STRN: variants seen among roughly 807,000 people sequenced by gnomAD.
STRN encodes protein phosphatase 2 regulatory subunit B'''alpha.
Under a neutral mutation model 96.3 loss-of-function variants are expected in STRN, and 53 were observed. That is an observed-to-expected ratio of 0.55 (90% CI 0.44 to 0.69). The LOEUF is 0.69. Among genes scored for constraint, STRN ranks in the 30% least tolerant of loss-of-function variants. The pLI is 0.00. For missense variants in STRN, 987 were observed against 963.9 expected, an observed-to-expected ratio of 1.02 and a Z score of -0.32; for synonymous variants, 428 against 355.9, an observed-to-expected ratio of 1.20 and a Z score of -2.28.
intron 10 of STRN, among the ~76,000 whole-genome samples, chr2:36,877,623 C>T (rs1019483320): frequency 2.6e-5 from 4 of 152,144 alleles, no homozygotes; most frequent in African/African-American, 9.7e-5. Context: ...GCAACCTCTG[C>T]CTTCCGGGCT....
At chr2:36,862,620 T>G (rs944818447) in intron 12 of STRN, among the ~76,000 whole-genome samples, 8 of 152,104 alleles carry the variant, frequency 5.3e-5, no homozygotes, top group African/African-American at 1.9e-4. Context: ...AATTTTTGAT[T>G]TGCATTTCTG....
At chr2:36,876,141 G>C (rs866511943) in intron 10 of STRN, among the ~76,000 whole-genome samples, 1 of 151,904 alleles carries the variant, frequency 6.6e-6, no homozygotes, top group Non-Finnish European at 1.5e-5. Context: ...GTGATGGTGC[G>C]TGCCTATGGT....
rs186837803 is a variant in STRN at position 36,871,616 on chromosome 2, T to C, written c.1324-1887A>G. Among the ~76,000 whole-genome samples, 198 of 152,292 alleles carry C rather than the reference T, an allele frequency of 1.3e-3. 1 individual carries two copies. Among genetic ancestry groups the C allele is most frequent in the African/African-American group, 4.4e-3 (184 of 41,568 alleles). ...ACTACTTATTTACAAAAGACAAAAA[T>C]ACACCAATTCTAACAACAGCTGTTA... On this transcript the variant is annotated intron_variant, in intron 10 of 17. Coordinates refer to ENST00000263918, the MANE Select transcript of STRN (RefSeq NM_003162.4).
chr2:36,909,681 A>G (rs1669915174), intron 3 of STRN, among the ~76,000 whole-genome samples: 1 of 152,162 alleles, frequency 6.6e-6, no homozygotes, highest in South Asian at 2.1e-4. Context: ...GATCCAAGGA[A>G]CTCAATAAAT....
intron 7 of STRN, among the ~76,000 whole-genome samples, chr2:36,890,567 T>G (rs1228352222): frequency 7.2e-6 from 1 of 138,338 alleles, no homozygotes; most frequent in East Asian, 2.3e-4. Flanking sequence ...CACTGCAACC[T>G]CTGCCTCCCA....
chr2:36,888,131 G>C (rs903924994), intron 7 of STRN, among the ~76,000 whole-genome samples: 37 of 152,072 alleles, frequency 2.4e-4, no homozygotes, highest in Admixed American at 2.4e-3. Context: ...AAATATATCA[G>C]GGAAAACTAT....
chr2:36,914,964 A>AG (rs932633103), intron 3 of STRN, among the ~76,000 whole-genome samples: 11 of 151,752 alleles, frequency 7.2e-5, no homozygotes, highest in South Asian at 2.1e-4. Flanking sequence ...TGGGAGGCCG[A>AG]GGGGGGGCGG....
intron 3 of STRN, among the ~76,000 whole-genome samples, chr2:36,908,867 A>G (rs1432355414): frequency 6.6e-6 from 1 of 152,010 alleles, no homozygotes; most frequent in African/African-American, 2.4e-5. Context: ...TGTAATCCCA[A>G]CTACTCAGGA....
intron 6 of STRN, 138 bp from the exon 7 acceptor site, chr2:36,894,171 A>T: frequency 1.0e-6 from 1 of 969,590 alleles, no homozygotes. Context: ...TGAAAATCAC[A>T]TAGTTTTAAA....
intron 6 of STRN, 152 bp downstream of exon 6, chr2:36,899,371 A>G (rs1167312685): frequency 3.1e-6 from 2 of 649,290 alleles, no homozygotes; most frequent in African/African-American, 3.8e-5. Flanking sequence ...CTCAACTTGA[A>G]ATCAGTATTA....
intron 2 of STRN, among the ~76,000 whole-genome samples, chr2:36,921,705 T>C (rs1460441626): frequency 9.9e-6 from 1 of 101,382 alleles, no homozygotes; most frequent in East Asian, 3.7e-4. Context: ...TTTTTTTTTG[T>C]TGATGTGTCT....
chr2:36,865,881 G>T (rs1292585745), intron 12 of STRN, among the ~76,000 whole-genome samples: 3 of 152,004 alleles, frequency 2.0e-5, no homozygotes, highest in South Asian at 4.2e-4. Flanking sequence ...TTTGATGTGG[G>T]TGTTTAGCAC....
chr2:36,873,214 T>TGGATGG (rs1668811688), intron 10 of STRN, among the ~76,000 whole-genome samples: 2 of 152,212 alleles, frequency 1.3e-5, no homozygotes, highest in African/African-American at 4.8e-5. Context: ...GCTGCATACA[T>TGGATGG]CTGAGAAAAG....
chr2:36,904,611 G>A (rs565453897), intron 4 of STRN, among the ~76,000 whole-genome samples: 5 of 152,278 alleles, frequency 3.3e-5, no homozygotes, highest in African/African-American at 1.2e-4. Flanking sequence ...GAGATCACTC[G>A]AAGTCAGGAG....
At chr2:36,964,374 T>C (rs1466809226) in intron 1 of STRN, among the ~76,000 whole-genome samples, 1 of 152,052 alleles carries the variant, frequency 6.6e-6, no homozygotes, top group African/African-American at 2.4e-5. Flanking sequence ...TCCCCACAAC[T>C]GCACAACATT....
chr2:36,887,084 C>CACAT (rs1281980963), intron 7 of STRN, among the ~76,000 whole-genome samples: 2,116 of 118,146 alleles, frequency 0.018, 26 homozygotes, highest in African/African-American at 0.023. Flanking sequence ...CACACACACA[C>CACAT]ACGGAAGATT....
At chr2:36,909,920 C>T (rs544685040) in intron 3 of STRN, among the ~76,000 whole-genome samples, 2 of 152,096 alleles carry the variant, frequency 1.3e-5, no homozygotes, top group Non-Finnish European at 2.9e-5. Flanking sequence ...CGCCTGTAAT[C>T]CCAGCACTTT....
chr2:36,938,003 T>C (rs1418449829), intron 1 of STRN, among the ~76,000 whole-genome samples: 1 of 152,216 alleles, frequency 6.6e-6, no homozygotes, highest in Non-Finnish European at 1.5e-5. Context: ...CTAAAGGCCA[T>C]GAACATGGCA....
intron 1 of STRN, among the ~76,000 whole-genome samples, chr2:36,952,768 C>T (rs1347853791): frequency 2.0e-5 from 3 of 152,218 alleles, no homozygotes; most frequent in Non-Finnish European, 2.9e-5. Flanking sequence ...GATACCTTCT[C>T]CCCTGGCTGA....
Sources: gnomAD v4.1 joint callset for allele counts (sites outside exome capture counted in the v4.1 genomes callset) on GRCh38, gnomAD v4.1.1 for gene constraint, MANE v1.5 for transcripts, NCBI Gene and HGNC (gene_info 2026-07-23, HGNC 2026-07-21) for gene names.